Variants in TNKS2 observed in about 807,000 individuals in gnomAD.
The protein encoded by TNKS2 is tankyrase 2.
Under a neutral mutation model 137.6 loss-of-function variants are expected in TNKS2, and 72 were observed. The ratio of observed to expected loss-of-function variants is 0.52; its 90% CI spans 0.43 to 0.64. The LOEUF (loss-of-function observed/expected upper bound fraction) is 0.64, where lower values mean the gene tolerates loss of function less well. Among genes scored for constraint, TNKS2 ranks in the 30% least tolerant of loss-of-function variants. TNKS2 has a pLI of 0.00. For missense variants in TNKS2, 1,049 were observed against 1,410.2 expected (o/e 0.74, Z 4.10); for synonymous variants, 516 against 512.1 (o/e 1.01, Z -0.10).
chr10:91,821,096 G>A (rs960689917), intron 6 of TNKS2, among the ~76,000 whole-genome samples: 1 of 152,034 alleles, frequency 6.6e-6, no homozygotes, highest in Admixed American at 6.6e-5. Flanking sequence ...GGAGTGCAGT[G>A]GCGCGATCGT....
chr10:91,850,722 A>C (rs535117394), intron 20 of TNKS2, among the ~76,000 whole-genome samples: 3 of 152,200 alleles, frequency 2.0e-5, no homozygotes, highest in Non-Finnish European at 4.4e-5. Flanking sequence ...TCCGTCTCAA[A>C]AATAAAAAAA....
chr10:91,806,042 CT>C (rs34004456), intron 1 of TNKS2, among the ~76,000 whole-genome samples: 525 of 130,060 alleles, frequency 4.0e-3, no homozygotes, highest in Middle Eastern at 0.017. Context: ...CATTCTTTCT[CT>C]TTTTTTTTTT....
intron 17 of TNKS2, 38 bp from the exon 18 acceptor site, chr10:91,845,714 A>G (rs756933781): frequency 2.9e-6 from 4 of 1,394,340 alleles, no homozygotes; most frequent in Non-Finnish European, 3.8e-6. Flanking sequence ...GTGTGACAAA[A>G]TAATATTTCA....
intron 8 of TNKS2, 54 bp downstream of exon 8, chr10:91,827,257 AT>A: frequency 1.5e-6 from 2 of 1,300,768 alleles, no homozygotes; most frequent in Non-Finnish European, 1.0e-6. Flanking sequence ...TAAACTGAAC[AT>A]TTTTTCTTTC....
At chr10:91,828,252 C>T (rs547306413) in intron 8 of TNKS2, 33 bp from the exon 9 acceptor site, 19 of 1,500,676 alleles carry the variant, frequency 1.3e-5, no homozygotes, top group Middle Eastern at 1.8e-4. Context: ...AATTTGAACT[C>T]GTTATACATG....
Position 91,855,335 on chromosome 10 carries a change from GTTTGTT to G in TNKS2, c.2913+236_2913+241del, listed in dbSNP as rs140309103. Among the ~76,000 whole-genome samples the G allele has an allele frequency of 4.0e-3, 600 of 151,758 alleles. 8 individuals carry two copies. Among genetic ancestry groups the G allele is most frequent in the African/African-American group, 0.012 (480 of 41,364 alleles). ...AAGACTCATATTCTTTGTTTTTTGT[GTTTGTT>G]TTTGTTTTTGTTTTTGTTTTTGTTT... On this transcript the variant is annotated intron_variant, in intron 22 of 26. Coordinates refer to ENST00000371627, the MANE Select transcript of TNKS2 (RefSeq NM_025235.4).
intron 20 of TNKS2, among the ~76,000 whole-genome samples, chr10:91,850,846 A>G (rs946993995): frequency 1.3e-5 from 2 of 152,238 alleles, no homozygotes; most frequent in Non-Finnish European, 2.9e-5. Context: ...TCATGAAGCC[A>G]TAGTGTATTA....
intron 12 of TNKS2, among the ~76,000 whole-genome samples, chr10:91,835,830 A>C (rs768062692): frequency 1.4e-5 from 2 of 148,048 alleles, no homozygotes; most frequent in African/African-American, 2.5e-5. Flanking sequence ...CTGGTCTCCA[A>C]CTCCTGACCT....
chr10:91,800,716 G>A (rs543166543), intron 1 of TNKS2, among the ~76,000 whole-genome samples: 4 of 152,136 alleles, frequency 2.6e-5, no homozygotes, highest in Non-Finnish European at 4.4e-5. Flanking sequence ...TTATGAAGTG[G>A]GGGTTCTTCA....
Position 91,864,760 on chromosome 10 carries a change from A to G in TNKS2, c.*1761A>G, listed in dbSNP as rs750464833. ...ACACAAGTGGAGTATGCCAAATTTT[A>G]TATGAATTTTTCAGATTATCTAAGC... On this transcript the variant is annotated 3_prime_UTR_variant, in exon 27 of 27. Transcript: ENST00000371627. 6.6e-6 allele frequency: 1 copy of G among 152,620 alleles called. No homozygotes were observed. Among genetic ancestry groups the G allele is most frequent in the Non-Finnish European group, 1.5e-5 (1 of 68,032 alleles). 9.5% of individuals were successfully genotyped at this position (152,620 alleles called of 1,614,324 possible).
At chr10:91,827,322 A>G in intron 8 of TNKS2, 119 bp downstream of exon 8, 2 of 802,902 alleles carry the variant, frequency 2.5e-6, no homozygotes, top group South Asian at 7.3e-5. Context: ...AGCCATGGGC[A>G]TCCACTGTTG....
At chr10:91,846,120 C>A (rs943530040) in intron 18 of TNKS2, among the ~76,000 whole-genome samples, 180 bp downstream of exon 18, 4 of 152,088 alleles carry the variant, frequency 2.6e-5, no homozygotes. Flanking sequence ...ATATAATTAT[C>A]CTTCTGTAGA....
intron 1 of TNKS2, among the ~76,000 whole-genome samples, chr10:91,810,720 G>A (rs1230628247): frequency 6.7e-6 from 1 of 150,248 alleles, no homozygotes; most frequent in Non-Finnish European, 1.5e-5. Flanking sequence ...ATGTCAGCCA[G>A]GATGGTCTCA....
chr10:91,848,201 A>G (rs2133665507), intron 18 of TNKS2, among the ~76,000 whole-genome samples, 182 bp from the exon 19 acceptor site: 2 of 152,316 alleles, frequency 1.3e-5, no homozygotes, highest in Admixed American at 1.3e-4. Context: ...TAAAATTTTC[A>G]GATTTGGGAT....
At chr10:91,816,193 C>T (rs1460972365) in intron 2 of TNKS2, among the ~76,000 whole-genome samples, 1 of 152,016 alleles carries the variant, frequency 6.6e-6, no homozygotes, top group Non-Finnish European at 1.5e-5. Flanking sequence ...CATGATCTGC[C>T]CGCCTCGGCC....
At chr10:91,817,353 A>G (rs1454469847) in intron 3 of TNKS2, 124 bp downstream of exon 3, 3 of 540,786 alleles carry the variant, frequency 5.5e-6, no homozygotes, top group East Asian at 3.1e-5. Context: ...TTCAGTAGCT[A>G]TCCTTTTCTA....
At chr10:91,821,099 G>A (rs1009170543) in intron 6 of TNKS2, among the ~76,000 whole-genome samples, 3 of 151,982 alleles carry the variant, frequency 2.0e-5, no homozygotes, top group East Asian at 1.9e-4. Context: ...GTGCAGTGGC[G>A]CGATCGTGGT....
At chr10:91,821,524 G>A (rs192361228) in intron 6 of TNKS2, among the ~76,000 whole-genome samples, 18 of 152,200 alleles carry the variant, frequency 1.2e-4, no homozygotes, top group Non-Finnish European at 1.8e-4. Flanking sequence ...ACCAGAGTTT[G>A]GCATGATGGT....
At chr10:91,815,324 A>G (rs1844650664) in intron 2 of TNKS2, among the ~76,000 whole-genome samples, 1 of 152,202 alleles carries the variant, frequency 6.6e-6, no homozygotes, top group African/African-American at 2.4e-5. Context: ...AAAGATGTGA[A>G]ATGGATTTCC....
Sources: gnomAD v4.1 joint callset for allele counts (sites outside exome capture counted in the v4.1 genomes callset) on GRCh38, gnomAD v4.1.1 for gene constraint, MANE v1.5 for transcripts, NCBI Gene and HGNC (gene_info 2026-07-23, HGNC 2026-07-21) for gene names.